WARS1: variants seen among roughly 807,000 people sequenced by gnomAD.
WARS1 encodes the protein tryptophan--tRNA ligase, cytoplasmic.
WARS1 carries 17 observed loss-of-function variants against 47.8 expected under a neutral mutation model. The ratio of observed to expected loss-of-function variants is 0.36; its 90% CI spans 0.24 to 0.53. WARS1 has a LOEUF of 0.53. WARS1 is among the 20% of genes least tolerant of loss of function. The pLI is 0.91. For missense variants in WARS1, 434 were observed against 608.0 expected, an observed-to-expected ratio of 0.71 and a Z score of 3.01; for synonymous variants, 208 against 228.1, an observed-to-expected ratio of 0.91 and a Z score of 0.79.
chr14:100,368,305 T>C (rs1299359651), intron 2 of WARS1: 2 of 375,960 alleles, frequency 5.3e-6, no homozygotes, highest in South Asian at 3.9e-5. Context: ...GTACTCATTC[T>C]ATCCGTGATG....
chr14:100,369,624 A>C (rs1488628748), intron 1 of WARS1, among the ~76,000 whole-genome samples: 1 of 152,030 alleles, frequency 6.6e-6, no homozygotes, highest in African/African-American at 2.4e-5. Flanking sequence ...TATAAATACC[A>C]ATGTGTTTTA....
chr14:100,356,407 G>GT (rs869066573), intron 4 of WARS1, among the ~76,000 whole-genome samples: 1 of 144,760 alleles, frequency 6.9e-6, no homozygotes, highest in Non-Finnish European at 1.5e-5. Flanking sequence ...GTGGGGGGGG[G>GT]TGTGGAATAA....
At chr14:100,372,078 C>T (rs894236632) in intron 1 of WARS1, among the ~76,000 whole-genome samples, 1 of 152,190 alleles carries the variant, frequency 6.6e-6, no homozygotes, top group East Asian at 1.9e-4. Context: ...CTGCCACCTG[C>T]CCGCCAGAGA....
chr14:100,344,646 C>T (rs1394379290), intron 7 of WARS1, among the ~76,000 whole-genome samples: 10 of 151,850 alleles, frequency 6.6e-5, no homozygotes, highest in Admixed American at 2.0e-4. Flanking sequence ...AGGAGCGCCT[C>T]TTCCCGGCCG....
intron 9 of WARS1, among the ~76,000 whole-genome samples, chr14:100,339,230 C>A (rs1209708754): frequency 6.6e-6 from 1 of 152,120 alleles, no homozygotes; most frequent in African/African-American, 2.4e-5. Context: ...GCGCCTGTCT[C>A]CATTTTGGCA....
chr14:100,360,575 C>T lies in WARS1; in HGVS notation c.401G>A (p.Arg134Lys), dbSNP rs985886508. ...TGACCTGTGTGAGAAGAAGATGCCT[C>T]TGCGCAGGAAGTGGTGTGGTCTTTG... ...TGQRPHHFLRRGIFFSHRDMN... is the reference protein window; with the variant it reads ...TGQRPHHFLRKGIFFSHRDMN... The change falls in exon 4 of 11, where the codon AGA becomes AAA. Residue 134 changes from arginine (R) to lysine (K), a missense_variant. This residue lies in a region of WARS1 where 347 missense variants were observed against 523.8 expected (regional missense o/e 0.66). Coordinates refer to ENST00000392882, the MANE Select transcript of WARS1 (RefSeq NM_004184.4). 1 of 1,613,370 alleles carries T rather than the reference C, an allele frequency of 6.2e-7. No homozygotes were observed. The highest frequency in any genetic ancestry group is 1.7e-5 in the Admixed American group (1 of 59,950).
Position 100,360,598 on chromosome 14 carries a change from T to G in WARS1, c.378A>C (p.Gln126His). Reference sequence around the variant, plus strand: ...CTCTGCGCAGGAAGTGGTGTGGTCTTTGGCCGGTGGCTCTCTCTATTCGGT... The same window carrying G: ...CTCTGCGCAGGAAGTGGTGTGGTCTGTGGCCGGTGGCTCTCTCTATTCGGT... ...LINRIERATGQRPHHFLRRGI... is the reference protein window; with the variant it reads ...LINRIERATGHRPHHFLRRGI... The change falls in exon 4 of 11, where the codon CAA (glutamine) becomes CAC (histidine). Residue 126 changes from glutamine to histidine, a missense_variant. This residue lies in a region of WARS1 where 347 missense variants were observed against 523.8 expected (regional missense o/e 0.66). Coordinates refer to ENST00000392882, the MANE Select transcript of WARS1 (RefSeq NM_004184.4). The G allele has an allele frequency of 1.2e-6, 2 of 1,613,914 alleles. No individual in the cohort carries two copies. Among genetic ancestry groups the G allele is most frequent in the Non-Finnish European group, 1.7e-6 (2 of 1,179,792 alleles).
chr14:100,373,824 TTG>T lies in WARS1; in HGVS notation c.-74+1457_-74+1458del, dbSNP rs59475595. On this transcript the variant is annotated intron_variant, in intron 1 of 10. Coordinates refer to ENST00000392882, the MANE Select transcript of WARS1 (RefSeq NM_004184.4). This position sits in a 1 kb window ranked among gnomAD's most constrained non-coding sequence, Gnocchi z 4.4. ...GGGAATCATCCACACTATTGAAATC[TTG>T]TGTGTGTGTGTGTGTGTGTGTGTGT... 0.049 allele frequency among the ~76,000 whole-genome samples: 7,290 copies of T among 148,034 alleles called. 313 individuals carry two copies. The highest frequency in any genetic ancestry group is 0.098 in the African/African-American group (3,917 of 40,146).
chr14:100,339,344 C>T (rs1309006735), intron 9 of WARS1, among the ~76,000 whole-genome samples: 1 of 152,172 alleles, frequency 6.6e-6, no homozygotes, highest in African/African-American at 2.4e-5. Flanking sequence ...GTAATCCCAG[C>T]ACTTTGGGAG....
chr14:100,344,145 C>T (rs1894367948), intron 7 of WARS1, among the ~76,000 whole-genome samples: 1 of 152,206 alleles, frequency 6.6e-6, no homozygotes, highest in Non-Finnish European at 1.5e-5. Flanking sequence ...CAAAGCTGGA[C>T]TGTACTGCTG....
rs1161110220 is a variant in WARS1, at chr14:100,354,320, C to T, written c.542+127G>A. On this transcript the variant is annotated intron_variant, in intron 5 of 10. Coordinates refer to ENST00000392882, the MANE Select transcript of WARS1 (RefSeq NM_004184.4). ...AAAGTGAATGGAAGCCAAAAAAGTG[C>T]CAACTCTTGACATCTTGGTTGCTCA... is the stretch of plus-strand genomic sequence containing the variant. 7 of 1,404,768 alleles carry T rather than the reference C, an allele frequency of 5.0e-6. No homozygotes were observed. The African/African-American group carries it at 8.7e-5, about 17-fold the overall frequency. The allele number at this position is 1,404,768 out of a possible 1,614,324, so 87.0% of individuals were successfully genotyped here. A position where few individuals can be genotyped will look rare whatever the true frequency, so the allele number is the denominator to read the frequency against.
At chr14:100,350,374 A>C (rs1241969031) in intron 6 of WARS1, among the ~76,000 whole-genome samples, 4 of 147,534 alleles carry the variant, frequency 2.7e-5, no homozygotes, top group African/African-American at 1.0e-4. Context: ...TTTGGGCGAC[A>C]GAGCAAGACT....
At chr14:100,356,398 T>G (rs2400879) in intron 4 of WARS1, among the ~76,000 whole-genome samples, 38,617 of 102,968 alleles carry the variant, frequency 0.38, 8,025 homozygotes, top group South Asian at 0.6. Context: ...TGTGTGTGTG[T>G]GGGGGGGGGT....
At chr14:100,342,766 C>T (rs1006965075) in intron 8 of WARS1, among the ~76,000 whole-genome samples, 195 bp from the exon 9 acceptor site, 15 of 151,654 alleles carry the variant, frequency 9.9e-5, no homozygotes, top group South Asian at 2.1e-4. Flanking sequence ...GTACAGAACA[C>T]GCAGGTTTGT....
chr14:100,344,561 G>A (rs1460101104), intron 7 of WARS1, among the ~76,000 whole-genome samples: 1 of 152,026 alleles, frequency 6.6e-6, no homozygotes, highest in Non-Finnish European at 1.5e-5. Context: ...GGGACGTAAG[G>A]AGCCCCTCTG....
At chr14:100,336,674 C>T (rs1893755021) in intron 10 of WARS1, among the ~76,000 whole-genome samples, 1 of 152,234 alleles carries the variant, frequency 6.6e-6, no homozygotes, top group Non-Finnish European at 1.5e-5. Flanking sequence ...TGCTGATAAA[C>T]ACTCTGCTCA....
At chr14:100,354,209 C>G in intron 5 of WARS1, 1 of 529,956 alleles carries the variant, frequency 1.9e-6, no homozygotes, top group South Asian at 2.6e-5. Context: ...AGACAGGGAG[C>G]AGGATGAGAA....
chr14:100,368,490 T>A (rs1426966844), intron 2 of WARS1: 1 of 455,722 alleles, frequency 2.2e-6, no homozygotes, highest in African/African-American at 2.0e-5. Context: ...AGGAACAATA[T>A]GATAAGCAGA....
chr14:100,364,670 G>A (rs907591940), intron 2 of WARS1, among the ~76,000 whole-genome samples: 1 of 152,120 alleles, frequency 6.6e-6, no homozygotes, highest in African/African-American at 2.4e-5. Context: ...AATACACTTG[G>A]AAGAGTTATT....
Sources: allele counts gnomAD v4.1 joint callset (sites outside exome capture counted in the v4.1 genomes callset), GRCh38; gene constraint gnomAD v4.1.1; regional missense constraint gnomAD v4.1.1; non-coding constraint Gnocchi (gnomAD v3.1); transcripts MANE v1.5; gene names NCBI Gene and HGNC (gene_info 2026-07-23, HGNC 2026-07-21).